DSC2: variants seen among roughly 807,000 people sequenced by gnomAD.
DSC2 encodes the protein desmocollin-2.
In DSC2, 51 loss-of-function variants were observed where a neutral mutation model predicts 87.6. The ratio of observed to expected loss-of-function variants is 0.58; its 90% CI spans 0.46 to 0.74. The LOEUF (loss-of-function observed/expected upper bound fraction) is 0.74. DSC2 is among the 30% of genes least tolerant of loss of function. The pLI, the probability that DSC2 is intolerant of heterozygous loss-of-function variation, is 0.00. For missense variants in DSC2, 1,066 were observed against 1,089.5 expected (o/e 0.98, Z 0.30); for synonymous variants, 383 against 393.2 (o/e 0.97, Z 0.31).
At chr18:31,071,212 CA>C (rs1276262486) in intron 13 of DSC2, among the ~76,000 whole-genome samples, 2 of 151,952 alleles carry the variant, frequency 1.3e-5, no homozygotes, top group African/African-American at 2.4e-5. Flanking sequence ...CAGCTACATG[CA>C]AATGATCAGC....
Position 31,080,147 on chromosome 18 carries a change from C to A in DSC2, c.1469G>T (p.Ser490Ile). 1 of 1,614,054 alleles carries A rather than the reference C, an allele frequency of 6.2e-7. No individual in the cohort carries two copies. Among genetic ancestry groups the A allele is most frequent in the Middle Eastern group, 1.6e-4 (1 of 6,062 alleles). ...MKENAEVGTT[S>I]NGYKAYDPET... Reference sequence around the variant, plus strand: ...TGGGTCATATGCTTTATATCCATTGCTTGTTGTTCCCACTTCTGCATTTTC... The same window carrying A: ...TGGGTCATATGCTTTATATCCATTGATTGTTGTTCCCACTTCTGCATTTTC... Residue 490 changes from serine (S) to isoleucine (I), a missense_variant, in exon 10 of 16, where the codon AGC becomes ATC. Transcript: ENST00000280904.
intron 5 of DSC2, among the ~76,000 whole-genome samples, chr18:31,088,056 T>C (rs1987465009): frequency 6.6e-6 from 1 of 152,240 alleles, no homozygotes; most frequent in Non-Finnish European, 1.5e-5. Flanking sequence ...TTTTAGTTTC[T>C]TCATTATTGC....
chr18:31,102,109 A>T lies in DSC2; in HGVS notation c.-138T>A. 1 of 689,572 alleles carries T rather than the reference A, an allele frequency of 1.5e-6. No individual in the cohort carries two copies. Among genetic ancestry groups the T allele is most frequent in the Non-Finnish European group, 2.2e-6 (1 of 457,612 alleles). 42.7% of individuals were successfully genotyped at this position (689,572 alleles called of 1,614,324 possible). A position where few individuals can be genotyped will look rare whatever the true frequency, so the allele number is the denominator to read the frequency against. On this transcript the variant is annotated 5_prime_UTR_variant, in exon 1 of 16. Coordinates refer to ENST00000280904, the MANE Select transcript of DSC2 (RefSeq NM_024422.6). ...GAGGCGGAGGAGGTGGGGCGCGCGG[A>T]GAGGTGCTTTTCTTAGCTTCTCTGA...
Position 31,080,452 on chromosome 18 carries a change from C to T in DSC2, c.1264-100G>A, listed in dbSNP as rs188867104. On this transcript the variant is annotated intron_variant, in intron 9 of 15. Transcript: ENST00000280904. ...TTAAATTTGGAAATATGTTAAGTGTCATGTTGGGAATAACCACGAGAATAT... is the reference window on the plus strand; with the variant it reads ...TTAAATTTGGAAATATGTTAAGTGTTATGTTGGGAATAACCACGAGAATAT... 3.6e-6 allele frequency: 5 copies of T among 1,405,704 alleles called. No individual in the cohort carries two copies. In the Admixed American group the frequency reaches 9.8e-5, roughly 27 times the overall value. 87.1% of individuals were successfully genotyped at this position (1,405,704 alleles called of 1,614,324 possible).
At position 31,082,946 on chromosome 18, in the gene DSC2, G is replaced by A; in HGVS notation, c.1057C>T (p.Pro353Ser). ...CTTACAGAAGTACGAGTAAATGTTG[G>A]CAAGTGGTCATTTACATCATCAATG... ...INIDDVNDHL[P>S]TFTRTSYVTS... The change falls in exon 8 of 16, where the codon CCA (proline) becomes TCA (serine). Residue 353 changes from proline to serine, a missense_variant. Transcript: ENST00000280904. 1.2e-6 allele frequency: 2 copies of A among 1,613,430 alleles called. No homozygotes were observed. Among genetic ancestry groups the A allele is most frequent in the Non-Finnish European group, 8.5e-7 (1 of 1,179,882 alleles).
rs141873745 is a variant in DSC2, at chr18:31,068,118, G to A, written c.2603C>T (p.Ser868Phe). Residue 868 changes from serine to phenylalanine, a missense_variant, in exon 16 of 16, where the codon TCT (serine) becomes TTT (phenylalanine). Transcript: ENST00000280904. ...NYEGRGSVAG[S>F]VGCCSERQEE... is the part of the protein sequence containing the mutation. ...TTGTCGTTCACTGCAACAACCTACA[G>A]ACCCAGCCACCGATCCTCTTCCTTC... 90 of 1,613,968 alleles carry A rather than the reference G, an allele frequency of 5.6e-5. No homozygotes were observed. Among genetic ancestry groups the A allele is most frequent in the Middle Eastern group, 3.3e-4 (2 of 6,058 alleles).
intron 1 of DSC2, among the ~76,000 whole-genome samples, chr18:31,100,122 T>C (rs969810716): frequency 2.6e-5 from 4 of 152,182 alleles, no homozygotes; most frequent in African/African-American, 9.7e-5. Flanking sequence ...CCACGTGAGG[T>C]TGGCAGGGCT....
At chr18:31,077,282 C>A (rs1987055124) in intron 11 of DSC2, among the ~76,000 whole-genome samples, 1 of 152,194 alleles carries the variant, frequency 6.6e-6, no homozygotes, top group African/African-American at 2.4e-5. Context: ...TGTCCCTCAA[C>A]TTCTCCTGTT....
chr18:31,101,122 C>T (rs968130716), intron 1 of DSC2: 5 of 949,254 alleles, frequency 5.3e-6, no homozygotes, highest in Non-Finnish European at 6.3e-6. Context: ...CGAGTCGCCT[C>T]TGGGGACAAG....
At chr18:31,081,003 A>G (rs1987202083) in intron 9 of DSC2, among the ~76,000 whole-genome samples, 1 of 152,174 alleles carries the variant, frequency 6.6e-6, no homozygotes, top group South Asian at 2.1e-4. Flanking sequence ...ACAGGTATTG[A>G]TGAAGATTTC....
intron 1 of DSC2, 101 bp downstream of exon 1, chr18:31,101,795 TCACCCCA>T: frequency 9.5e-7 from 1 of 1,054,018 alleles, no homozygotes; most frequent in Non-Finnish European, 1.3e-6. Flanking sequence ...AGAGGCCCCT[TCACCCCA>T]GCTTTTCCCG....
chr18:31,074,482 G>A (rs1309313881), intron 12 of DSC2, among the ~76,000 whole-genome samples: 1 of 148,178 alleles, frequency 6.7e-6, no homozygotes, highest in Non-Finnish European at 1.5e-5. Flanking sequence ...GAGTAGGAGG[G>A]AGAATTCACA....
chr18:31,092,767 G>A (rs1987643037), intron 2 of DSC2, among the ~76,000 whole-genome samples: 1 of 152,084 alleles, frequency 6.6e-6, no homozygotes, highest in Non-Finnish European at 1.5e-5. Flanking sequence ...ACAGAATTAT[G>A]TGAAATAATT....
chr18:31,098,270 G>A (rs931389898), intron 1 of DSC2, among the ~76,000 whole-genome samples: 2 of 152,032 alleles, frequency 1.3e-5, no homozygotes, highest in Non-Finnish European at 2.9e-5. Context: ...ATTATCTGTA[G>A]GGAAACATAT....
At chr18:31,097,487 T>A (rs1221071558) in intron 1 of DSC2, among the ~76,000 whole-genome samples, 1 of 151,668 alleles carries the variant, frequency 6.6e-6, no homozygotes, top group Non-Finnish European at 1.5e-5. Context: ...AAATTACAAA[T>A]TTTTTGATAC....
intron 4 of DSC2, among the ~76,000 whole-genome samples, chr18:31,090,099 G>C (rs1287567495): frequency 6.6e-6 from 1 of 152,036 alleles, no homozygotes; most frequent in African/African-American, 2.4e-5. Context: ...ATATGAGTGA[G>C]AATAGAAATG....
intron 14 of DSC2, 87 bp downstream of exon 14, chr18:31,070,639 C>T: frequency 1.3e-6 from 2 of 1,591,550 alleles, no homozygotes; most frequent in South Asian, 2.2e-5. Flanking sequence ...ACCAAAAGAA[C>T]TTTTCTGAGA....
At chr18:31,084,023 C>T (rs1269817785) in intron 7 of DSC2, among the ~76,000 whole-genome samples, 1 of 152,096 alleles carries the variant, frequency 6.6e-6, no homozygotes, top group Non-Finnish European at 1.5e-5. Flanking sequence ...GATGGTGATG[C>T]TTACCTTTCC....
chr18:31,091,237 G>A (rs1987587950), intron 3 of DSC2, 90 bp from the exon 4 acceptor site: 1 of 1,531,854 alleles, frequency 6.5e-7, no homozygotes. Context: ...CCTCTCAGGA[G>A]GATTAGCTGG....
Sources: allele counts gnomAD v4.1 joint callset (sites outside exome capture counted in the v4.1 genomes callset), GRCh38; gene constraint gnomAD v4.1.1; transcripts MANE v1.5; gene names NCBI Gene and HGNC (gene_info 2026-07-23, HGNC 2026-07-21).